Variants in RPA1 observed in about 807,000 individuals in gnomAD.
RPA1 encodes replication protein A 70 kDa DNA-binding subunit.
RPA1 carries 49 observed loss-of-function variants against 83.0 expected under a neutral mutation model. That is an observed-to-expected ratio of 0.59 (90% CI 0.47 to 0.75). RPA1 has a LOEUF of 0.75. Ranked by LOEUF, RPA1 falls within the 30% of genes least tolerant of loss-of-function variation. RPA1 has a pLI of 0.00. For missense variants in RPA1, 693 were observed against 776.1 expected (o/e 0.89, Z 1.27); for synonymous variants, 279 against 281.8 (o/e 0.99, Z 0.10).
At chr17:1,865,068 A>G (rs1051894550) in intron 5 of RPA1, among the ~76,000 whole-genome samples, 4 of 152,204 alleles carry the variant, frequency 2.6e-5, no homozygotes, top group Non-Finnish European at 5.9e-5. Context: ...AAGTTGGAGA[A>G]TCTCAGGTCT....
intron 12 of RPA1, among the ~76,000 whole-genome samples, chr17:1,881,473 T>C (rs1353192185): frequency 6.6e-6 from 1 of 152,226 alleles, no homozygotes; most frequent in Admixed American, 6.5e-5. Flanking sequence ...ACCAGTTTCA[T>C]GAAGCATCTT....
intron 5 of RPA1, among the ~76,000 whole-genome samples, chr17:1,856,448 G>C (rs957999132): frequency 6.6e-6 from 1 of 151,790 alleles, no homozygotes; most frequent in Admixed American, 6.6e-5. Flanking sequence ...AAAATACAAA[G>C]ATTATCTAGG....
intron 15 of RPA1, among the ~76,000 whole-genome samples, chr17:1,893,347 C>T (rs17292433): frequency 0.016 from 2,472 of 152,296 alleles, 70 homozygotes; most frequent in African/African-American, 0.057. Context: ...TCCTGGAGTT[C>T]GCACTCCACG....
intron 13 of RPA1, among the ~76,000 whole-genome samples, chr17:1,887,891 T>G (rs1416927824): frequency 6.6e-6 from 1 of 152,140 alleles, no homozygotes; most frequent in Non-Finnish European, 1.5e-5. Flanking sequence ...AGACTCTGTC[T>G]CAAAAAATAC....
chr17:1,889,283 C>T (rs1407380748), intron 14 of RPA1, among the ~76,000 whole-genome samples: 1 of 151,190 alleles, frequency 6.6e-6, no homozygotes, highest in Non-Finnish European at 1.5e-5. Context: ...AGAATTGTTT[C>T]TTTCTGTTTT....
At chr17:1,842,186 C>T (rs1257753012) in intron 1 of RPA1, among the ~76,000 whole-genome samples, 1 of 151,778 alleles carries the variant, frequency 6.6e-6, no homozygotes, top group Non-Finnish European at 1.5e-5. Flanking sequence ...TCGTAGTAAA[C>T]CTAACATCAT....
In RPA1 at chr17:1,888,787, G is replaced by T; in HGVS notation, c.1487G>T (p.Gly496Val). 3 of 1,614,212 alleles carry T rather than the reference G, an allele frequency of 1.9e-6. No homozygotes were observed. The highest frequency in any genetic ancestry group is 2.5e-6 in the Non-Finnish European group (3 of 1,180,038). Residue 496 changes from glycine (G) to valine (V), a missense_variant, in exon 14 of 17, where the codon GGA (glycine) becomes GTA (valine). Transcript: ENST00000254719. ...AAGAAAGTGATTGATCAACAGAATGGATTGTACCGCTGTGAGAAGTGCGAC... is the reference window on the plus strand; with the variant it reads ...AAGAAAGTGATTGATCAACAGAATGTATTGTACCGCTGTGAGAAGTGCGAC... ...CNKKVIDQQN[G>V]LYRCEKCDTE...
At chr17:1,893,555 A>G (rs1397562521) in intron 15 of RPA1, among the ~76,000 whole-genome samples, 1 of 152,190 alleles carries the variant, frequency 6.6e-6, no homozygotes, top group Non-Finnish European at 1.5e-5. Context: ...GGTGTGAACT[A>G]TTAATTAGTT....
At chr17:1,846,841 A>G (rs2151272684) in intron 4 of RPA1, among the ~76,000 whole-genome samples, 1 of 152,296 alleles carries the variant, frequency 6.6e-6, no homozygotes, top group Middle Eastern at 3.4e-3. Context: ...GAGGTTTTCC[A>G]ACGTAATAGT....
intron 4 of RPA1, among the ~76,000 whole-genome samples, chr17:1,850,065 G>C (rs1912428676): frequency 6.6e-6 from 1 of 151,532 alleles, no homozygotes; most frequent in Non-Finnish European, 1.5e-5. Context: ...CCAGCTACTC[G>C]GGGGACTGAG....
intron 5 of RPA1, among the ~76,000 whole-genome samples, chr17:1,855,514 A>G (rs1912660421): frequency 6.6e-6 from 1 of 152,146 alleles, no homozygotes; most frequent in Non-Finnish European, 1.5e-5. Flanking sequence ...CCAATCTGGG[A>G]TCTCTGGGAT....
intron 5 of RPA1, among the ~76,000 whole-genome samples, chr17:1,853,534 G>T (rs1486297067): frequency 6.6e-6 from 1 of 152,092 alleles, no homozygotes; most frequent in African/African-American, 2.4e-5. Flanking sequence ...AATACAAAAA[G>T]TAGCTAGGCA....
intron 14 of RPA1, 147 bp from the exon 15 acceptor site, chr17:1,891,686 C>T: frequency 1.9e-6 from 1 of 518,230 alleles, no homozygotes. Context: ...TCCCAAAGTG[C>T]TGGGATGACA....
chr17:1,869,612 GTC>G (rs1913307099), intron 5 of RPA1, among the ~76,000 whole-genome samples: 1 of 152,190 alleles, frequency 6.6e-6, no homozygotes, highest in Non-Finnish European at 1.5e-5. Flanking sequence ...GAGCAAAAGA[GTC>G]TGAGAACCAT....
rs372704235 is a variant in RPA1, at chr17:1,844,588, G to C, written c.174G>C (p.Leu58Phe). 2 of 1,612,636 alleles carry C rather than the reference G, an allele frequency of 1.2e-6. No homozygotes were observed. The highest frequency in any genetic ancestry group is 1.3e-5 in the African/African-American group (1 of 74,876). Residue 58 changes from leucine to phenylalanine, a missense_variant, in exon 4 of 17, where the codon TTG (leucine) becomes TTC (phenylalanine). Leu to Phe is a conservative substitution (Grantham distance 22, BLOSUM62 0). Coordinates refer to ENST00000254719, the MANE Select transcript of RPA1 (RefSeq NM_002945.5). ...CTCTGTGGTTTTCAGCTTTCATGTT[G>C]GCGACACAGTTGAACCCTCTCGTGG... Reference protein sequence around the residue: ...DGLNTLSSFMLATQLNPLVEE... With the variant: ...DGLNTLSSFMFATQLNPLVEE...
intron 6 of RPA1, among the ~76,000 whole-genome samples, chr17:1,873,773 G>T (rs924897335): frequency 6.6e-6 from 1 of 151,804 alleles, no homozygotes; most frequent in Non-Finnish European, 1.5e-5. Flanking sequence ...CGGATCACTT[G>T]AGGTCAGGAG....
rs538710817 is a variant in RPA1, at chr17:1,859,915, C to T, written c.361+6726C>T. On this transcript the variant is annotated intron_variant, in intron 5 of 16. Transcript: ENST00000254719. ...GCAACCTCCGCCTCCCAGGTTCAAGCGATTCTCCTGCCTCAGCCTCCTGAG... is the reference window on the plus strand; with the variant it reads ...GCAACCTCCGCCTCCCAGGTTCAAGTGATTCTCCTGCCTCAGCCTCCTGAG... Among the ~76,000 whole-genome samples, 4 of 152,324 alleles carry T rather than the reference C, an allele frequency of 2.6e-5. No homozygotes were observed. The East Asian group carries it at 5.8e-4, about 22-fold the overall frequency.
At position 1,847,037 on chromosome 17, in the gene RPA1, G is replaced by A. The variant is rs113200973; in HGVS notation, c.272+2351G>A. Among the ~76,000 whole-genome samples, 236 of 152,152 alleles carry A rather than the reference G, an allele frequency of 1.6e-3. 1 individual carries two copies. Among genetic ancestry groups the A allele is most frequent in the African/African-American group, 5.6e-3 (231 of 41,516 alleles). On this transcript the variant is annotated intron_variant, in intron 4 of 16. Transcript: ENST00000254719. ...TATAGTCGTACTTATTTTGCCAATC[G>A]CTTTTGGGAAGTGTCACTCCTTTTC...
rs557704352 is a variant in RPA1 at position 1,898,958 on chromosome 17, TACTC to T, written c.*1784_*1787del. ...CCAGTAACCAGTCTTTCATGCCTAC[TACTC>T]CCAGCATTCCCTCCTCTCCCCACGT... On this transcript the variant is annotated 3_prime_UTR_variant, in exon 17 of 17. Transcript: ENST00000254719. 294 of 153,032 alleles carry T rather than the reference TACTC, an allele frequency of 1.9e-3. 3 individuals are homozygous for T. The highest frequency in any genetic ancestry group is 2.1e-3 in the Non-Finnish European group (146 of 68,130). The allele number at this position is 153,032 out of a possible 1,614,324, so 9.5% of individuals were successfully genotyped here.
Sources: allele counts gnomAD v4.1 joint callset (sites outside exome capture counted in the v4.1 genomes callset), GRCh38; gene constraint gnomAD v4.1.1; transcripts MANE v1.5; gene names NCBI Gene and HGNC (gene_info 2026-07-23, HGNC 2026-07-21).